TDP1: variants seen among roughly 807,000 people sequenced by gnomAD.
The protein encoded by TDP1 is tyrosyl-DNA phosphodiesterase 1.
Under a neutral mutation model 81.5 loss-of-function variants are expected in TDP1, and 64 were observed. The observed-to-expected ratio is 0.79, with a 90% CI of 0.64 to 0.97. TDP1 has a LOEUF of 0.97. Among genes scored for constraint, TDP1 ranks in the 50% least tolerant of loss-of-function variants. The pLI is 0.00. For synonymous variants in TDP1, 256 were observed against 264.3 expected, an observed-to-expected ratio of 0.97 and a Z score of 0.30; for missense variants, 723 against 743.8, an observed-to-expected ratio of 0.97 and a Z score of 0.33.
At chr14:89,962,478 C>T (rs959051559) in intron 2 of TDP1, among the ~76,000 whole-genome samples, 2 of 152,116 alleles carry the variant, frequency 1.3e-5, no homozygotes, top group South Asian at 2.1e-4. Context: ...TTGGAAGTTT[C>T]GGGGTCAAGA....
chr14:90,033,075 G>A (rs554987652), intron 15 of TDP1, 31 bp from the exon 16 acceptor site: 4 of 1,407,004 alleles, frequency 2.8e-6, no homozygotes, highest in South Asian at 1.2e-5. Context: ...AAAATGGGGT[G>A]CAATCATAGA....
chr14:89,987,472 G>A (rs1372654012), intron 10 of TDP1, among the ~76,000 whole-genome samples: 1 of 152,224 alleles, frequency 6.6e-6, no homozygotes, highest in Non-Finnish European at 1.5e-5. Context: ...ATACTGCTTT[G>A]CTCTTGGAGC....
At chr14:89,955,168 T>G (rs555378015), upstream of TDP1, 10 of 156,894 alleles carry the variant, frequency 6.4e-5, no homozygotes, top group South Asian at 1.7e-3. Context: ...AGCAAGTCAT[T>G]GGGATCGAGC....
intron 4 of TDP1, 47 bp from the exon 5 acceptor site, chr14:89,967,320 T>G (rs1209305540): frequency 1.3e-6 from 2 of 1,567,144 alleles, no homozygotes; most frequent in Admixed American, 3.3e-5. Context: ...ATGAACTGTT[T>G]GGCAGAATTA....
At chr14:89,995,720 C>T (rs920857896) in intron 14 of TDP1, among the ~76,000 whole-genome samples, 5 of 152,134 alleles carry the variant, frequency 3.3e-5, no homozygotes, top group African/African-American at 1.2e-4. Context: ...AGAATGTTCC[C>T]AAACCGAACT....
At chr14:90,019,221 A>G (rs1885676807) in intron 14 of TDP1, 95 bp from the exon 15 acceptor site, 5 of 1,305,182 alleles carry the variant, frequency 3.8e-6, no homozygotes, top group Admixed American at 1.9e-5. Context: ...TTGCAGCTAT[A>G]TATTTTTTTG....
At chr14:90,000,491 TCTC>T (rs1182441132) in intron 14 of TDP1, among the ~76,000 whole-genome samples, 1 of 152,016 alleles carries the variant, frequency 6.6e-6, no homozygotes, top group African/African-American at 2.4e-5. Flanking sequence ...TTCAAGCAAT[TCTC>T]CTGCCTCAGC....
chr14:90,042,438 T>C (rs1888449759), intron 16 of TDP1, among the ~76,000 whole-genome samples: 1 of 152,184 alleles, frequency 6.6e-6, no homozygotes. Context: ...GATTTGCCAA[T>C]GTGACACAGC....
intron 6 of TDP1, among the ~76,000 whole-genome samples, chr14:89,974,242 A>G (rs1258402599): frequency 6.6e-6 from 1 of 152,228 alleles, no homozygotes; most frequent in Non-Finnish European, 1.5e-5. Context: ...GCACCCAGTA[A>G]ACAATATCTA....
intron 2 of TDP1, among the ~76,000 whole-genome samples, chr14:89,961,974 T>C (rs1892381419): frequency 6.6e-6 from 1 of 152,210 alleles, no homozygotes; most frequent in South Asian, 2.1e-4. Context: ...TGAGGAACTG[T>C]TCTTTAGCTG....
intron 3 of TDP1, chr14:89,965,623 C>T (rs1311004070): frequency 4.2e-6 from 1 of 239,788 alleles, no homozygotes; most frequent in African/African-American, 2.3e-5. Context: ...TGAGACTTCC[C>T]TAGAGATGAC....
Position 89,975,761 on chromosome 14 carries a change from T to C in TDP1, c.757-20T>C. 6.2e-7 allele frequency: 1 copy of C among 1,604,872 alleles called. No individual in the cohort carries two copies. On this transcript the variant is annotated intron_variant, in intron 6 of 16. Transcript: ENST00000335725. ...TATTAGTGAGTTGTTTTTAAATAAA[T>C]GACTTCTTTTTCATCCTAGGCAAAG... is the stretch of plus-strand genomic sequence containing the variant.
chr14:90,009,772 G>C (rs1884479321), intron 14 of TDP1, among the ~76,000 whole-genome samples: 1 of 152,220 alleles, frequency 6.6e-6, no homozygotes, highest in Non-Finnish European at 1.5e-5. Flanking sequence ...AGCAGGGTAA[G>C]ACTGTGATAT....
chr14:90,019,344 G>C lies in TDP1; in HGVS notation c.1570G>C (p.Ala524Pro). Residue 524 changes from alanine to proline, a missense_variant, in exon 15 of 17, where the codon GCA (alanine) becomes CCA (proline). Coordinates refer to ENST00000335725, the MANE Select transcript of TDP1 (RefSeq NM_018319.4). ...SANLSKAAWG[A>P]LEKNGTQLMI... ...AAATCTGTCCAAGGCTGCCTGGGGA[G>C]CATTGGAGAAGAATGGCACCCAGCT... is the stretch of plus-strand genomic sequence containing the variant. 1 of 1,612,288 alleles carries C rather than the reference G, an allele frequency of 6.2e-7. No homozygotes were observed. The highest frequency in any genetic ancestry group is 8.5e-7 in the Non-Finnish European group (1 of 1,178,460).
Position 89,993,405 on chromosome 14 carries a change from G to GC in TDP1, c.1464dup (p.Asn489GlnfsTer7). 6.2e-7 allele frequency: 1 copy of GC among 1,613,866 alleles called. No individual in the cohort carries two copies. Among genetic ancestry groups the GC allele is most frequent in the Middle Eastern group, 1.7e-4 (1 of 6,060 alleles). On this transcript the variant is annotated frameshift_variant, in exon 14 of 17. Coordinates refer to ENST00000335725, the MANE Select transcript of TDP1 (RefSeq NM_018319.4). LOFTEE classifies it high-confidence loss of function. ...TGGTCAGCTGAGACTTCTGGCCGCAGCAATGCCATGCCACATATTAAGACA... is the reference window on the plus strand; with the variant it reads ...TGGTCAGCTGAGACTTCTGGCCGCAGCCAATGCCATGCCACATATTAAGACA...
intron 3 of TDP1, 87 bp from the exon 4 acceptor site, chr14:89,966,060 T>C: frequency 9.9e-7 from 1 of 1,010,936 alleles, no homozygotes; most frequent in Non-Finnish European, 1.6e-6. Context: ...ATCTTGATTG[T>C]CAGTGACTGT....
At chr14:90,036,952 G>C (rs1887883661) in intron 16 of TDP1, among the ~76,000 whole-genome samples, 1 of 152,030 alleles carries the variant, frequency 6.6e-6, no homozygotes, top group Non-Finnish European at 1.5e-5. Flanking sequence ...TGGCACTACA[G>C]TGCGTGCCAT....
intron 14 of TDP1, among the ~76,000 whole-genome samples, chr14:89,999,972 C>T (rs374936232): frequency 7.2e-5 from 11 of 152,282 alleles, no homozygotes; most frequent in East Asian, 3.9e-4. Flanking sequence ...GGAGTCTGGG[C>T]GTGGATTAGC....
At chr14:89,984,999 GTCAAT>G in intron 9 of TDP1, 128 bp from the exon 10 acceptor site, 1 of 1,349,658 alleles carries the variant, frequency 7.4e-7, no homozygotes, top group Non-Finnish European at 1.0e-6. Flanking sequence ...GAATTTGAGA[GTCAAT>G]TCAAGAAAAT....
Sources: allele counts gnomAD v4.1 joint callset (sites outside exome capture counted in the v4.1 genomes callset), GRCh38; gene constraint gnomAD v4.1.1; transcripts MANE v1.5; gene names NCBI Gene and HGNC (gene_info 2026-07-23, HGNC 2026-07-21).